The following GFPT2 variants were observed in gnomAD, a reference collection of about 807,000 sequenced individuals.
The protein encoded by GFPT2 is glutamine--fructose-6-phosphate transaminase 2, also known as glutamine--fructose-6-phosphate aminotransferase [isomerizing] 2.
A neutral mutation model predicts 85.6 loss-of-function variants in GFPT2; 62 were observed. That is an observed-to-expected ratio of 0.72 (90% CI 0.59 to 0.90). The LOEUF is 0.90. Ranked by LOEUF, GFPT2 falls within the 40% of genes least tolerant of loss-of-function variation. The probability of loss-of-function intolerance (pLI) is 0.00; values close to 1 mark genes in which losing one functional copy is unlikely to be tolerated. For synonymous variants in GFPT2, 368 were observed against 344.5 expected (o/e 1.07, Z -0.75); for missense variants, 788 against 893.4 (o/e 0.88, Z 1.50).
At chr5:180,345,187 G>A (rs1001406119) in intron 1 of GFPT2, among the ~76,000 whole-genome samples, 3 of 152,270 alleles carry the variant, frequency 2.0e-5, no homozygotes, top group African/African-American at 7.2e-5. Flanking sequence ...ATAAAACCAA[G>A]GGGGAAATAG....
chr5:180,347,167 G>A (rs916262575), intron 1 of GFPT2, among the ~76,000 whole-genome samples: 15 of 152,242 alleles, frequency 9.9e-5, no homozygotes, highest in African/African-American at 2.7e-4. Context: ...CAGGAGAGCC[G>A]AAGGCAGGAG....
intron 16 of GFPT2, 79 bp downstream of exon 16, chr5:180,307,097 C>T: frequency 8.0e-7 from 1 of 1,257,360 alleles, no homozygotes; most frequent in Non-Finnish European, 1.1e-6. Flanking sequence ...GCCCAACGCC[C>T]TGCCCTCCTT....
At position 180,346,690 on chromosome 5, in the gene GFPT2, T is replaced by G. The variant is rs1051477046; in HGVS notation, c.7+6521A>C. On this transcript the variant is annotated intron_variant, in intron 1 of 18. Transcript: ENST00000253778. ...TGCGCCCCTGGGGCCCCCAGGCCTATGCACATGTGATGCCTTCTCCAACCC... is the reference window on the plus strand; with the variant it reads ...TGCGCCCCTGGGGCCCCCAGGCCTAGGCACATGTGATGCCTTCTCCAACCC... 2.6e-5 allele frequency among the ~76,000 whole-genome samples: 4 copies of G among 152,218 alleles called. No homozygotes were observed. The South Asian group carries it at 8.3e-4, about 31-fold the overall frequency.
chr5:180,332,765 C>T (rs1179667424), intron 4 of GFPT2, among the ~76,000 whole-genome samples: 1 of 152,130 alleles, frequency 6.6e-6, no homozygotes, highest in African/African-American at 2.4e-5. Flanking sequence ...GTCTCGAACT[C>T]CTGACCTCAG....
At chr5:180,311,570 C>G (rs1233561839) in intron 15 of GFPT2, among the ~76,000 whole-genome samples, 1 of 152,208 alleles carries the variant, frequency 6.6e-6, no homozygotes, top group Admixed American at 6.5e-5. Flanking sequence ...GCCATTTGCT[C>G]TTTCTCGAGT....
chr5:180,346,466 C>A (rs1042633000), intron 1 of GFPT2, among the ~76,000 whole-genome samples: 1 of 152,184 alleles, frequency 6.6e-6, no homozygotes, highest in South Asian at 2.1e-4. Flanking sequence ...CCTGTTCAGC[C>A]CCCACCCCAC....
intron 1 of GFPT2, among the ~76,000 whole-genome samples, chr5:180,345,018 G>A (rs552497037): frequency 1.3e-5 from 2 of 152,314 alleles, no homozygotes; most frequent in East Asian, 1.9e-4. Flanking sequence ...AACCCACCTC[G>A]AACCCCAGCT....
chr5:180,332,686 C>T (rs759676090), intron 4 of GFPT2, among the ~76,000 whole-genome samples: 42 of 152,158 alleles, frequency 2.8e-4, no homozygotes, highest in Admixed American at 9.8e-4. Flanking sequence ...TGCAGGTGCT[C>T]GCCACCACAC....
chr5:180,308,118 T>C (rs986409525), intron 15 of GFPT2, among the ~76,000 whole-genome samples: 1 of 152,024 alleles, frequency 6.6e-6, no homozygotes, highest in Admixed American at 6.6e-5. Context: ...TAGCCGGGCA[T>C]GGTGGCGGGC....
intron 7 of GFPT2, among the ~76,000 whole-genome samples, chr5:180,327,099 G>A (rs1230276019): frequency 2.0e-5 from 3 of 152,050 alleles, no homozygotes; most frequent in East Asian, 1.9e-4. Context: ...GAGATACTAC[G>A]CCAGTCTGGA....
intron 1 of GFPT2, among the ~76,000 whole-genome samples, chr5:180,339,108 G>A (rs536079376): frequency 9.2e-5 from 14 of 152,122 alleles, no homozygotes; most frequent in Admixed American, 3.9e-4. Context: ...AGCCGGGGGC[G>A]GTGGCTCATG....
intron 1 of GFPT2, among the ~76,000 whole-genome samples, chr5:180,351,729 C>A (rs1479655193): frequency 6.6e-6 from 1 of 152,056 alleles, no homozygotes; most frequent in Non-Finnish European, 1.5e-5. Flanking sequence ...GAGGTAGAGC[C>A]CCCCCAAAGC....
At chr5:180,338,987 C>T (rs951225523) in intron 1 of GFPT2, among the ~76,000 whole-genome samples, 2 of 152,196 alleles carry the variant, frequency 1.3e-5, no homozygotes, top group African/African-American at 4.8e-5. Flanking sequence ...CTAGGAGTGC[C>T]ATAGAAAGGG....
intron 13 of GFPT2, among the ~76,000 whole-genome samples, chr5:180,314,448 T>C (rs56354833): frequency 0.16 from 24,639 of 152,266 alleles, 2,072 homozygotes; most frequent in East Asian, 0.22. Context: ...AGCCTCTCAG[T>C]GTGGACTCAA....
In GFPT2 at chr5:180,316,050, GT is replaced by G. The variant is rs545663540; in HGVS notation, c.1273+290del. On this transcript the variant is annotated intron_variant, in intron 13 of 18. Coordinates refer to ENST00000253778, the MANE Select transcript of GFPT2 (RefSeq NM_005110.4). Reference sequence around the variant, plus strand: ...AGCACTTCGGTAAGTGGTCCTTGAAGTCTTGGATAGGCAAGAAGAGGGAGAA... The same window carrying G: ...AGCACTTCGGTAAGTGGTCCTTGAAGCTTGGATAGGCAAGAAGAGGGAGAA... Among the ~76,000 whole-genome samples the G allele has an allele frequency of 3.0e-4, 45 of 152,352 alleles. 1 individual carries two copies. In the South Asian group the frequency reaches 5.2e-3, roughly 18 times the overall value.
chr5:180,316,906 A>G (rs1334665726), intron 11 of GFPT2, 45 bp from the exon 12 acceptor site: 1 of 1,557,840 alleles, frequency 6.4e-7, no homozygotes, highest in African/African-American at 1.4e-5. Flanking sequence ...CTACACAGTC[A>G]CCGCATTCCC....
At chr5:180,333,922 G>A (rs1360368977) in intron 4 of GFPT2, among the ~76,000 whole-genome samples, 1 of 152,180 alleles carries the variant, frequency 6.6e-6, no homozygotes, top group Admixed American at 6.5e-5. Context: ...TTTTATCACT[G>A]GGAAGGGCAG....
chr5:180,345,523 C>G (rs979434963), intron 1 of GFPT2, among the ~76,000 whole-genome samples: 1 of 152,274 alleles, frequency 6.6e-6, no homozygotes, highest in Admixed American at 6.5e-5. Flanking sequence ...CGCCTCTGAC[C>G]CATTCTGCAG....
intron 1 of GFPT2, among the ~76,000 whole-genome samples, chr5:180,345,831 G>A (rs75773304): frequency 4.4e-4 from 67 of 152,290 alleles, no homozygotes; most frequent in African/African-American, 1.5e-3. Flanking sequence ...AAGCAGCTCC[G>A]CTCACTGGGA....
Sources: gnomAD v4.1 joint callset for allele counts (sites outside exome capture counted in the v4.1 genomes callset) on GRCh38, gnomAD v4.1.1 for gene constraint, MANE v1.5 for transcripts, NCBI Gene and HGNC (gene_info 2026-07-23, HGNC 2026-07-21) for gene names.